The following RAD51B variants were observed in gnomAD, a reference collection of about 807,000 sequenced individuals.
The protein encoded by RAD51B is RAD51 paralog B.
In RAD51B, 38 loss-of-function variants were observed where a neutral mutation model predicts 42.2. The observed-to-expected ratio is 0.90, with a 90% CI of 0.70 to 1.18. RAD51B has a LOEUF of 1.18. RAD51B is among the 50% of genes most tolerant of loss of function. The pLI, the probability that RAD51B is intolerant of heterozygous loss-of-function variation, is 0.00. For synonymous variants in RAD51B, 154 were observed against 145.2 expected (o/e 1.06, Z -0.43); for missense variants, 373 against 400.7 (o/e 0.93, Z 0.59).
At chr14:68,655,122 A>G (rs1341481242) in intron 11 of RAD51B, among the ~76,000 whole-genome samples, 41 of 137,224 alleles carry the variant, frequency 3.0e-4, no homozygotes. Context: ...GCCAGGAGGC[A>G]AATGGTGAGT....
At chr14:68,045,236 C>CAAAAAA (rs537073885) in intron 7 of RAD51B, among the ~76,000 whole-genome samples, 232 of 21,850 alleles carry the variant, frequency 0.011, 1 homozygote, top group Middle Eastern at 0.033. Flanking sequence ...AACTCTGTCT[C>CAAAAAA]AAAAAAAAAA....
intron 7 of RAD51B, among the ~76,000 whole-genome samples, chr14:68,212,589 G>T (rs926381837): frequency 4.6e-5 from 7 of 152,212 alleles, no homozygotes; most frequent in Admixed American, 1.3e-4. Flanking sequence ...ATTTGCCAGT[G>T]TAATCACATC....
intron 10 of RAD51B, among the ~76,000 whole-genome samples, chr14:68,559,261 G>A (rs938265806): frequency 6.6e-6 from 1 of 151,790 alleles, no homozygotes; most frequent in Non-Finnish European, 1.5e-5. Flanking sequence ...ACAAACACCT[G>A]TAATTTGTAC....
intron 9 of RAD51B, among the ~76,000 whole-genome samples, chr14:68,458,135 T>TA (rs2085750979): frequency 6.6e-6 from 1 of 152,190 alleles, no homozygotes; most frequent in Non-Finnish European, 1.5e-5. Flanking sequence ...AGATATGTGC[T>TA]AAAAAACAAG....
chr14:68,476,588 A>G (rs1882631370), intron 10 of RAD51B, among the ~76,000 whole-genome samples: 1 of 152,186 alleles, frequency 6.6e-6, no homozygotes, highest in East Asian at 1.9e-4. Flanking sequence ...GGCTTTACAA[A>G]CTTCAAGGAT....
chr14:68,239,559 T>C (rs1455318730), intron 7 of RAD51B, among the ~76,000 whole-genome samples: 1 of 151,980 alleles, frequency 6.6e-6, no homozygotes, highest in Non-Finnish European at 1.5e-5. Flanking sequence ...TTCTAGTGCC[T>C]GACTTTGATA....
chr14:67,956,251 G>A (rs953083197), intron 7 of RAD51B, among the ~76,000 whole-genome samples: 31 of 152,160 alleles, frequency 2.0e-4, no homozygotes, highest in African/African-American at 7.5e-4. Flanking sequence ...TGTAATCCCA[G>A]TAGTTTGGGA....
chr14:68,333,044 C>T (rs1296566147), intron 8 of RAD51B, among the ~76,000 whole-genome samples: 5 of 152,174 alleles, frequency 3.3e-5, no homozygotes, highest in Non-Finnish European at 5.9e-5. Flanking sequence ...AACCCACCCA[C>T]CCAGCTGAGG....
chr14:68,224,934 A>T (rs1234178794), intron 7 of RAD51B, among the ~76,000 whole-genome samples: 1 of 151,934 alleles, frequency 6.6e-6, no homozygotes, highest in Non-Finnish European at 1.5e-5. Flanking sequence ...CTCGTGATCC[A>T]CCCACCTCGG....
At chr14:68,594,506 C>T (rs1890903743) in exon 11 of RAD51B, 2 of 1,366,312 alleles carry the variant, frequency 1.5e-6, no homozygotes, top group Non-Finnish European at 1.9e-6. Flanking sequence ...TGCTCTGTCA[C>T]CCAAGCTGAA....
chr14:68,674,030 G>C (rs1177071228), intron 11 of RAD51B, among the ~76,000 whole-genome samples: 2 of 151,600 alleles, frequency 1.3e-5, no homozygotes, highest in African/African-American at 4.9e-5. Flanking sequence ...TACACATACT[G>C]TATGCACACA....
At chr14:67,910,180 C>T (rs544611494) in intron 7 of RAD51B, among the ~76,000 whole-genome samples, 12 of 152,080 alleles carry the variant, frequency 7.9e-5, no homozygotes, top group South Asian at 2.1e-4. Flanking sequence ...TGTGCAGCTG[C>T]GTATACGAAT....
At chr14:68,603,972 A>C (rs960190970) in intron 10 of RAD51B, among the ~76,000 whole-genome samples, 1 of 152,236 alleles carries the variant, frequency 6.6e-6, no homozygotes, top group Non-Finnish European at 1.5e-5. Context: ...AGCCCAAATG[A>C]AACAGAGCTC....
intron 7 of RAD51B, among the ~76,000 whole-genome samples, chr14:68,266,231 AATTT>A (rs1251118066): frequency 6.6e-6 from 1 of 152,242 alleles, no homozygotes; most frequent in African/African-American, 2.4e-5. Flanking sequence ...AAGCATAACA[AATTT>A]ATTTAACAGA....
intron 8 of RAD51B, among the ~76,000 whole-genome samples, chr14:68,327,042 C>T (rs1248235929): frequency 6.6e-6 from 1 of 152,138 alleles, no homozygotes; most frequent in Non-Finnish European, 1.5e-5. Context: ...CACACACAGG[C>T]CAGGTCCCAG....
downstream of RAD51B, among the ~76,000 whole-genome samples, chr14:68,480,504 G>T (rs1401105935): frequency 6.6e-6 from 1 of 152,122 alleles, no homozygotes; most frequent in Non-Finnish European, 1.5e-5. Context: ...CACTCATTCT[G>T]GATCTTGCAG....
At chr14:67,925,202 G>A (rs1193301292) in intron 7 of RAD51B, among the ~76,000 whole-genome samples, 1 of 152,168 alleles carries the variant, frequency 6.6e-6, no homozygotes, top group Non-Finnish European at 1.5e-5. Flanking sequence ...CCTCCTAGCT[G>A]CCTTCATGGG....
intron 8 of RAD51B, among the ~76,000 whole-genome samples, chr14:68,362,808 C>T (rs1042017664): frequency 6.6e-6 from 1 of 151,544 alleles, no homozygotes; most frequent in Admixed American, 6.6e-5. Context: ...GAGATTGTGC[C>T]GCTGCACTCC....
chr14:68,678,258 C>CG (rs973609172), intron 11 of RAD51B, among the ~76,000 whole-genome samples: 3 of 152,280 alleles, frequency 2.0e-5, no homozygotes, highest in Non-Finnish European at 4.4e-5. Context: ...TTGCAGTGAA[C>CG]ACCCCCTCAA....
Sources: allele counts gnomAD v4.1 joint callset (sites outside exome capture counted in the v4.1 genomes callset), GRCh38; gene constraint gnomAD v4.1.1; transcripts MANE v1.5; gene names NCBI Gene and HGNC (gene_info 2026-07-23, HGNC 2026-07-21).